FAM193A: variants seen among roughly 807,000 people sequenced by gnomAD.
FAM193A encodes family with sequence similarity 193 member A, also known as protein FAM193A.
In FAM193A, 22 loss-of-function variants were observed where a neutral mutation model predicts 126.5. The ratio of observed to expected loss-of-function variants is 0.17; its 90% CI spans 0.12 to 0.25. The LOEUF (loss-of-function observed/expected upper bound fraction) is 0.25, where lower values mean the gene tolerates loss of function less well. FAM193A is among the 10% of genes least tolerant of loss of function. The pLI, the probability that FAM193A is intolerant of heterozygous loss-of-function variation, is 1.00. For synonymous variants in FAM193A, 761 were observed against 646.8 expected (o/e 1.18, Z -2.68); for missense variants, 1,675 against 1,672.8 (o/e 1.00, Z -0.02).
intron 4 of FAM193A, among the ~76,000 whole-genome samples, chr4:2,627,955 G>T (rs1456832062): frequency 6.6e-6 from 1 of 152,010 alleles, no homozygotes; most frequent in Non-Finnish European, 1.5e-5. Flanking sequence ...TGTTAGCCAG[G>T]ATGGTCTTGA....
chr4:2,720,937 C>T (rs981849089), intron 20 of FAM193A, among the ~76,000 whole-genome samples: 5 of 151,958 alleles, frequency 3.3e-5, no homozygotes, highest in Non-Finnish European at 5.9e-5. Flanking sequence ...GCTAGGAGAC[C>T]GAGGCAAGAG....
chr4:2,642,489 G>A (rs1293669494), intron 6 of FAM193A, among the ~76,000 whole-genome samples: 3 of 152,120 alleles, frequency 2.0e-5, no homozygotes, highest in Non-Finnish European at 2.9e-5. Flanking sequence ...AAAAGGCATC[G>A]GAAGAGAATT....
chr4:2,567,068 T>C (rs1739007792), intron 1 of FAM193A, among the ~76,000 whole-genome samples: 1 of 151,516 alleles, frequency 6.6e-6, no homozygotes, highest in Non-Finnish European at 1.5e-5. Flanking sequence ...GCCTCCCGAG[T>C]AGCCGGGACT....
At chr4:2,559,115 G>A (rs1007274172) in intron 1 of FAM193A, among the ~76,000 whole-genome samples, 15 of 152,174 alleles carry the variant, frequency 9.9e-5, no homozygotes, top group Non-Finnish European at 1.6e-4. Context: ...ATTAAATACC[G>A]CTGCACAAAC....
At chr4:2,712,133 C>T (rs528923205) in intron 19 of FAM193A, among the ~76,000 whole-genome samples, 1 of 152,072 alleles carries the variant, frequency 6.6e-6, no homozygotes, top group Admixed American at 6.6e-5. Context: ...TTTGTAACTC[C>T]TCCATGTGTA....
At chr4:2,597,569 A>G (rs76473886) in intron 2 of FAM193A, among the ~76,000 whole-genome samples, 4,562 of 151,904 alleles carry the variant, frequency 0.03, 241 homozygotes, top group African/African-American at 0.1. Flanking sequence ...GGAGGATCTC[A>G]TTTCCCAGCC....
chr4:2,728,862 A>T (rs147055844), intron 20 of FAM193A, among the ~76,000 whole-genome samples: 407 of 144,724 alleles, frequency 2.8e-3, no homozygotes, highest in African/African-American at 8.3e-3. Context: ...GTTACCCTAG[A>T]CCTCTAATAA....
intron 1 of FAM193A, among the ~76,000 whole-genome samples, chr4:2,574,971 C>T (rs1739501827): frequency 6.6e-6 from 1 of 152,158 alleles, no homozygotes; most frequent in South Asian, 2.1e-4. Context: ...CCTGCCATCC[C>T]TCCCCTCTGT....
In FAM193A at chr4:2,695,137, C is replaced by CATGA; in HGVS notation, c.3276+9_3276+12dup. 5.0e-6 allele frequency: 8 copies of CATGA among 1,584,742 alleles called. No homozygotes were observed. The highest frequency in any genetic ancestry group is 1.3e-5 in the African/African-American group (1 of 74,076). Reference sequence around the variant, plus strand: ...TTCTTTGGGCACGGCGGGGTGAGTGCATGAGGTCAGCGCATCATGATGTGG... The same window carrying CATGA: ...TTCTTTGGGCACGGCGGGGTGAGTGCATGAATGAGGTCAGCGCATCATGATGTGG... On this transcript the variant is annotated intron_variant, in intron 17 of 20. Coordinates refer to ENST00000637812, the MANE Select transcript of FAM193A (RefSeq NM_001366318.2).
chr4:2,622,894 C>T (rs1034602231), intron 2 of FAM193A, among the ~76,000 whole-genome samples: 2 of 151,802 alleles, frequency 1.3e-5, no homozygotes, highest in Non-Finnish European at 2.9e-5. Flanking sequence ...CGGGGGCGGG[C>T]GGGGGCACAA....
At chr4:2,671,699 TAACCGGAA>T (rs1400189062) in intron 12 of FAM193A, among the ~76,000 whole-genome samples, 1 of 152,240 alleles carries the variant, frequency 6.6e-6, no homozygotes, top group African/African-American at 2.4e-5. Flanking sequence ...CACTCCACCG[TAACCGGAA>T]GTCGCGTCTC....
intron 13 of FAM193A, among the ~76,000 whole-genome samples, chr4:2,676,397 T>G (rs1313496979): frequency 6.6e-6 from 1 of 152,234 alleles, no homozygotes; most frequent in Non-Finnish European, 1.5e-5. Flanking sequence ...GTAGTTTTGA[T>G]TTGCATTTCC....
At chr4:2,646,991 T>G (rs574615109) in intron 7 of FAM193A, among the ~76,000 whole-genome samples, 159 bp downstream of exon 7, 2 of 152,340 alleles carry the variant, frequency 1.3e-5, no homozygotes, top group African/African-American at 4.8e-5. Context: ...AGCTGCTGGT[T>G]TTCCGGAAGG....
chr4:2,629,559 A>G (rs532340178), intron 4 of FAM193A, among the ~76,000 whole-genome samples: 1 of 152,234 alleles, frequency 6.6e-6, no homozygotes, highest in Non-Finnish European at 1.5e-5. Context: ...TAATATGGCA[A>G]TTTAAAAATA....
chr4:2,625,705 G>A (rs1006750644), intron 3 of FAM193A, among the ~76,000 whole-genome samples: 1 of 150,096 alleles, frequency 6.7e-6, no homozygotes, highest in Non-Finnish European at 1.5e-5. Flanking sequence ...TGAGGGGAGA[G>A]CCCTGGAGCT....
At chr4:2,715,135 A>G (rs961548876) in intron 19 of FAM193A, among the ~76,000 whole-genome samples, 2 of 152,218 alleles carry the variant, frequency 1.3e-5, no homozygotes, top group Non-Finnish European at 2.9e-5. Context: ...TAATTGCAGC[A>G]TGAAATGTAG....
chr4:2,535,571 T>TC (rs1201332197), upstream of FAM193A, among the ~76,000 whole-genome samples: 1 of 152,062 alleles, frequency 6.6e-6, no homozygotes, highest in East Asian at 1.9e-4. Flanking sequence ...GCCGGCAGGG[T>TC]CCCCCCGTGG....
intron 13 of FAM193A, among the ~76,000 whole-genome samples, 193 bp downstream of exon 13, chr4:2,672,565 A>G (rs1241159239): frequency 6.6e-6 from 1 of 152,232 alleles, no homozygotes; most frequent in Admixed American, 6.5e-5. Flanking sequence ...CAGTTGTAAC[A>G]ATCATTAAAA....
Position 2,587,687 on chromosome 4 carries a change from G to T in FAM193A, c.256-8397G>T, listed in dbSNP as rs542596495. Among the ~76,000 whole-genome samples, 151 of 152,162 alleles carry T rather than the reference G, an allele frequency of 9.9e-4. 1 individual carries two copies. Among genetic ancestry groups the T allele is most frequent in the African/African-American group, 3.3e-3 (135 of 41,492 alleles). Reference sequence around the variant, plus strand: ...CCAGCCTAGGCAACAGAGTGACCCTGTCTCAAAATATGTAAATAAAAGAAA... The same window carrying T: ...CCAGCCTAGGCAACAGAGTGACCCTTTCTCAAAATATGTAAATAAAAGAAA... On this transcript the variant is annotated intron_variant, in intron 1 of 20. Transcript: ENST00000637812.
Sources: allele counts gnomAD v4.1 joint callset (sites outside exome capture counted in the v4.1 genomes callset), GRCh38; gene constraint gnomAD v4.1.1; transcripts MANE v1.5; gene names NCBI Gene and HGNC (gene_info 2026-07-23, HGNC 2026-07-21).